The following ANKS1B variants were observed in gnomAD, a reference collection of about 807,000 sequenced individuals.
ANKS1B encodes the protein ankyrin repeat and sterile alpha motif domain containing 1B, also known as ankyrin repeat and sterile alpha motif domain-containing protein 1B.
ANKS1B carries 36 observed loss-of-function variants against 148.3 expected under a neutral mutation model. The observed-to-expected ratio is 0.24, with a 90% CI of 0.19 to 0.32. The LOEUF is 0.32. Ranked by LOEUF, ANKS1B falls within the 10% of genes least tolerant of loss-of-function variation. The probability of loss-of-function intolerance (pLI) is 1.00; values close to 1 mark genes in which losing one functional copy is unlikely to be tolerated. For missense variants in ANKS1B, 1,157 were observed against 1,542.6 expected (o/e 0.75, Z 4.19); for synonymous variants, 542 against 560.8 (o/e 0.97, Z 0.47).
chr12:99,509,175 T>C (rs1021571769), intron 9 of ANKS1B, among the ~76,000 whole-genome samples: 2 of 151,760 alleles, frequency 1.3e-5, no homozygotes, highest in Non-Finnish European at 2.9e-5. Flanking sequence ...CATCTTCTCC[T>C]TGGGCCTCCC....
At chr12:98,865,636 T>C (rs1355369096) in intron 17 of ANKS1B, among the ~76,000 whole-genome samples, 1 of 152,048 alleles carries the variant, frequency 6.6e-6, no homozygotes, top group African/African-American at 2.4e-5. Context: ...GTGATAAGAA[T>C]CGACGTGTGT....
chr12:98,849,242 T>A (rs994380512), intron 17 of ANKS1B, among the ~76,000 whole-genome samples: 11 of 152,144 alleles, frequency 7.2e-5, no homozygotes, highest in Non-Finnish European at 1.3e-4. Context: ...TTTTTTTTTT[T>A]TATTTAGATT....
chr12:99,821,693 GTC>G (rs1369049731), intron 2 of ANKS1B, among the ~76,000 whole-genome samples: 1 of 151,958 alleles, frequency 6.6e-6, no homozygotes, highest in Non-Finnish European at 1.5e-5. Context: ...CAAATGAAAG[GTC>G]AGGCCCAAGA....
intron 14 of ANKS1B, among the ~76,000 whole-genome samples, chr12:99,191,915 C>G (rs1208474957): frequency 6.6e-6 from 1 of 151,958 alleles, no homozygotes; most frequent in Non-Finnish European, 1.5e-5. Flanking sequence ...GGGCAGATCA[C>G]GAGGTCAGGA....
chr12:99,725,929 C>G (rs542014658), intron 8 of ANKS1B, among the ~76,000 whole-genome samples: 8 of 152,046 alleles, frequency 5.3e-5, no homozygotes, highest in African/African-American at 1.9e-4. Flanking sequence ...AGGCAGAAAT[C>G]AAGTTATTTG....
intron 8 of ANKS1B, among the ~76,000 whole-genome samples, chr12:99,731,384 G>T (rs982515595): frequency 6.6e-6 from 1 of 151,200 alleles, no homozygotes; most frequent in African/African-American, 2.4e-5. Context: ...CTCCCAAAGC[G>T]CTGGGATTAT....
At chr12:99,366,991 G>A (rs1322198388) in intron 12 of ANKS1B, among the ~76,000 whole-genome samples, 4 of 152,124 alleles carry the variant, frequency 2.6e-5, no homozygotes, top group South Asian at 4.1e-4. Context: ...TTTGGGGATG[G>A]ATAATTCTTT....
intron 1 of ANKS1B, among the ~76,000 whole-genome samples, chr12:99,860,639 A>G (rs1314740045): frequency 6.6e-6 from 1 of 152,188 alleles, no homozygotes; most frequent in African/African-American, 2.4e-5. Context: ...TAAACAATAC[A>G]ACTCCATACA....
chr12:98,856,925 T>C (rs2099574743), intron 17 of ANKS1B, among the ~76,000 whole-genome samples: 1 of 152,166 alleles, frequency 6.6e-6, no homozygotes, highest in Non-Finnish European at 1.5e-5. Flanking sequence ...GTTTACTTAA[T>C]ACCTGGTGAG....
intron 8 of ANKS1B, among the ~76,000 whole-genome samples, chr12:99,674,638 G>A (rs2098553773): frequency 6.6e-6 from 1 of 151,746 alleles, no homozygotes; most frequent in African/African-American, 2.4e-5. Context: ...AATAAACTAT[G>A]ATGGGAAATG....
intron 17 of ANKS1B, among the ~76,000 whole-genome samples, chr12:98,899,933 A>G (rs539463707): frequency 3.3e-5 from 5 of 152,360 alleles, no homozygotes; most frequent in African/African-American, 7.2e-5. Context: ...ATTGTCTCCA[A>G]TGATAGTAAC....
chr12:99,480,463 G>C (rs1044684052), intron 10 of ANKS1B, among the ~76,000 whole-genome samples: 2 of 151,828 alleles, frequency 1.3e-5, no homozygotes, highest in African/African-American at 2.4e-5. Flanking sequence ...TGTTGTGATA[G>C]ATACTAATGT....
At chr12:98,793,075 C>T (rs2098902430) in intron 22 of ANKS1B, among the ~76,000 whole-genome samples, 1 of 152,116 alleles carries the variant, frequency 6.6e-6, no homozygotes, top group East Asian at 1.9e-4. Context: ...ATTTATATTC[C>T]CACCAACAAT....
In ANKS1B at chr12:98,751,581, A is replaced by G; in HGVS notation, c.3580-59T>C. The stretch of plus-strand genomic sequence containing the variant: ...CACACTGCAAATTAGAATGGGTCGA[A>G]TGGCTGAGGAACACTGAGGGAGGTG... On this transcript the variant is annotated intron_variant, in intron 25 of 26. Coordinates refer to ENST00000683438, the MANE Select transcript of ANKS1B (RefSeq NM_001352186.2). This position sits in a 1 kb window ranked among gnomAD's most constrained non-coding sequence, Gnocchi z 4.3. The G allele has an allele frequency of 6.5e-7, 1 of 1,539,656 alleles. No individual in the cohort carries two copies.
At chr12:99,877,027 C>T (rs556501795) in intron 1 of ANKS1B, among the ~76,000 whole-genome samples, 1 of 152,192 alleles carries the variant, frequency 6.6e-6, no homozygotes, top group South Asian at 2.1e-4. Context: ...TTCTAAATCA[C>T]GTGTGTCTAT....
chr12:99,155,676 T>C (rs551214208), intron 14 of ANKS1B, among the ~76,000 whole-genome samples: 2 of 152,270 alleles, frequency 1.3e-5, no homozygotes, highest in Admixed American at 1.3e-4. Flanking sequence ...GGATTAAGAA[T>C]AGAACCCACA....
chr12:99,649,575 C>T, intron 9 of ANKS1B: 1 of 564,136 alleles, frequency 1.8e-6, no homozygotes, highest in South Asian at 2.2e-5. Flanking sequence ...GAGAGAAACA[C>T]AGCACTGGCA....
chr12:99,809,101 G>A (rs966510673), intron 3 of ANKS1B, among the ~76,000 whole-genome samples: 7 of 152,132 alleles, frequency 4.6e-5, no homozygotes, highest in Non-Finnish European at 7.4e-5. Context: ...TAAATAGGCT[G>A]TGATGAGGCA....
chr12:99,146,555 T>C (rs944571296), intron 15 of ANKS1B, among the ~76,000 whole-genome samples: 2 of 152,154 alleles, frequency 1.3e-5, no homozygotes, highest in African/African-American at 4.8e-5. Context: ...AAATATACTC[T>C]AGTCGGCTTG....
Sources: gnomAD v4.1 joint callset for allele counts (sites outside exome capture counted in the v4.1 genomes callset) on GRCh38, gnomAD v4.1.1 for gene constraint, Gnocchi (gnomAD v3.1) non-coding constraint, MANE v1.5 for transcripts, NCBI Gene and HGNC (gene_info 2026-07-23, HGNC 2026-07-21) for gene names.